The following IGSF8 variants were observed in gnomAD, a reference collection of about 807,000 sequenced individuals.
IGSF8 encodes the protein immunoglobulin superfamily member 8, also known as CD81 partner 3.
IGSF8 carries 46 observed loss-of-function variants against 55.5 expected under a neutral mutation model. That is an observed-to-expected ratio of 0.83 (90% CI 0.65 to 1.06). The LOEUF is 1.06. Among genes scored for constraint, IGSF8 ranks in the 50% least tolerant of loss-of-function variants. The pLI is 0.00. For missense variants in IGSF8, 731 were observed against 832.3 expected, an observed-to-expected ratio of 0.88 and a Z score of 1.50; for synonymous variants, 314 against 356.1, an observed-to-expected ratio of 0.88 and a Z score of 1.33.
Position 160,091,818 on chromosome 1 carries a change from A to G in IGSF8, c.*5T>C. 1 of 1,604,974 alleles carries G rather than the reference A, an allele frequency of 6.2e-7. No individual in the cohort carries two copies. On this transcript the variant is annotated 3_prime_UTR_variant, in exon 6 of 7. Transcript: ENST00000314485. ...GTTCTTTTCCCTCACCTGGGGAGTA[A>G]GGGATCACCGTTTTCGAAGCCTCTT...
In IGSF8 at chr1:160,093,866, T is replaced by A. The variant is rs758083772; in HGVS notation, c.748A>T (p.Thr250Ser). The A allele has an allele frequency of 3.1e-6, 5 of 1,614,140 alleles. No individual in the cohort carries two copies. In the Admixed American group the frequency reaches 8.3e-5, roughly 27 times the overall value. The change falls in exon 3 of 7, where the codon ACC becomes TCC. Residue 250 changes from threonine to serine, a missense_variant. Physicochemically the swap from Thr to Ser is moderately conservative, Grantham distance 58. Coordinates refer to ENST00000314485, the MANE Select transcript of IGSF8 (RefSeq NM_052868.6). ...CCTACTACCATGCGGTACCGATCGG[T>A]CCCTTCCTTGCCCAGACGAAGCTCC... The part of the protein sequence containing the change: ...AGELRLGKEG[T>S]DRYRMVVGGA...
Position 160,098,480 on chromosome 1 carries a change from G to T in IGSF8, c.-8C>A, listed in dbSNP as rs1232440010. 1 of 1,538,222 alleles carries T rather than the reference G, an allele frequency of 6.5e-7. No homozygotes were observed. The highest frequency in any genetic ancestry group is 1.2e-5 in the South Asian group (1 of 83,492). The stretch of plus-strand genomic sequence containing the variant: ...GGGCCTGAGGGCGCCCATCCTGCGC[G>T]GCCAGCTCTGGGGAGGCTCCGGGGG... On this transcript the variant is annotated 5_prime_UTR_variant, in exon 1 of 7. Coordinates refer to ENST00000314485, the MANE Select transcript of IGSF8 (RefSeq NM_052868.6).
At position 160,091,612 on chromosome 1, in the gene IGSF8, A is replaced by G; in HGVS notation, c.*16-4T>C. On this transcript the variant is annotated splice_region_variant and splice_polypyrimidine_tract_variant and intron_variant, in intron 6 of 6. Coordinates refer to ENST00000314485, the MANE Select transcript of IGSF8 (RefSeq NM_052868.6). ...AGACAGTCGACACCTGCAAGACCTG[A>G]AAAGGGTGCCCGGTGTGGGCTAAGG... is the stretch of plus-strand genomic sequence containing the variant. The G allele has an allele frequency of 3.5e-6, 2 of 567,442 alleles. No individual in the cohort carries two copies. The highest frequency in any genetic ancestry group is 3.1e-5 in the Admixed American group (1 of 32,188). 35.2% of individuals were successfully genotyped at this position (567,442 alleles called of 1,614,324 possible). A position where few individuals can be genotyped will look rare whatever the true frequency, so the allele number is the denominator to read the frequency against.
chr1:160,093,418 A>G, intron 3 of IGSF8, 87 bp from the exon 4 acceptor site: 1 of 1,334,330 alleles, frequency 7.5e-7, no homozygotes, highest in Non-Finnish European at 1.0e-6. Context: ...TTCCTACTTG[A>G]CAGCAGCAAC....
chr1:160,098,269 C>G, intron 1 of IGSF8, 140 bp downstream of exon 1: 2 of 1,261,028 alleles, frequency 1.6e-6, no homozygotes, highest in Admixed American at 2.8e-5. Context: ...AGCCACAAAG[C>G]GCAGCTGGAC....
chr1:160,095,331 G>T (rs1439024471), intron 1 of IGSF8, 85 bp from the exon 2 acceptor site: 6 of 1,353,286 alleles, frequency 4.4e-6, no homozygotes, highest in Non-Finnish European at 6.0e-6. Flanking sequence ...CTTGATCTCT[G>T]CCTACAAAAG....
rs746339396 is a variant in IGSF8 at position 160,093,768 on chromosome 1, G to A, written c.846C>T (p.Ser282=). 1 of 1,613,906 alleles carries A rather than the reference G, an allele frequency of 6.2e-7. No individual in the cohort carries two copies. Among genetic ancestry groups the A allele is most frequent in the Non-Finnish European group, 8.5e-7 (1 of 1,179,884 alleles). ...CCCTTTTCTCTGCAATCTGGGCCCA[G>A]CTGCCATCAGGATCCTGAATCCACT... is the stretch of plus-strand genomic sequence containing the variant. ...AAEWIQDPDG[S]WAQIAEKRAV... The change falls in exon 3 of 7, where the codon AGC becomes AGT. Residue 282 remains serine, a synonymous_variant. Coordinates refer to ENST00000314485, the MANE Select transcript of IGSF8 (RefSeq NM_052868.6).
At chr1:160,097,811 A>G in intron 1 of IGSF8, 12 of 985,472 alleles carry the variant, frequency 1.2e-5, no homozygotes, top group Non-Finnish European at 1.4e-5. Context: ...GTGAAAACTG[A>G]TGGGTGGCTG....
upstream of IGSF8, chr1:160,098,914 C>T: frequency 9.6e-6 from 1 of 104,420 alleles, no homozygotes; most frequent in Non-Finnish European, 1.9e-5. Flanking sequence ...GCCCTGGATC[C>T]GCCCCGGGCC....
At position 160,091,834 on chromosome 1, in the gene IGSF8, G is replaced by A. The variant is rs200253332; in HGVS notation, c.1831C>T (p.Arg611Ter). The A allele has an allele frequency of 3.9e-5, 63 of 1,612,954 alleles. No homozygotes were observed. The highest frequency in any genetic ancestry group is 1.6e-4 in the Middle Eastern group (1 of 6,080). The change falls in exon 6 of 7, where the codon CGA becomes TGA. Residue 611 changes from arginine to a stop codon, truncating the protein, a stop_gained. Coordinates refer to ENST00000314485, the MANE Select transcript of IGSF8 (RefSeq NM_052868.6). LOFTEE classifies it high-confidence loss of function. ...TGGGGAGTAAGGGATCACCGTTTTC[G>A]AAGCCTCTTCATGAAGCAGCAAGTG... ...TITCCFMKRL[R>*]KR
In IGSF8 at chr1:160,097,826, G is replaced by A. The variant is rs563741625; in HGVS notation, c.64+583C>T. The A allele has an allele frequency of 1.2e-5, 12 of 985,492 alleles. No homozygotes were observed. In the South Asian group the frequency reaches 5.2e-4, roughly 42 times the overall value. The allele number at this position is 985,492 out of a possible 1,614,324, so 61.0% of individuals were successfully genotyped here. On this transcript the variant is annotated intron_variant, in intron 1 of 6. Transcript: ENST00000314485. ...GTGAAAACTGATGGGTGGCTGCAGA[G>A]CCAAGTGCCATTTGGGAGACAGGAA... is the stretch of plus-strand genomic sequence containing the variant.
At position 160,093,867 on chromosome 1, in the gene IGSF8, C is replaced by T; in HGVS notation, c.747G>A (p.Gly249=). 1 of 1,614,204 alleles carries T rather than the reference C, an allele frequency of 6.2e-7. No homozygotes were observed. The highest frequency in any genetic ancestry group is 8.5e-7 in the Non-Finnish European group (1 of 1,180,018). Residue 249 remains glycine (G), a synonymous_variant, in exon 3 of 7, where the codon GGG becomes GGA. Coordinates refer to ENST00000314485, the MANE Select transcript of IGSF8 (RefSeq NM_052868.6). ...AAGELRLGKE[G]TDRYRMVVGG... Reference sequence around the variant, plus strand: ...CTACTACCATGCGGTACCGATCGGTCCCTTCCTTGCCCAGACGAAGCTCCC... The same window carrying T: ...CTACTACCATGCGGTACCGATCGGTTCCTTCCTTGCCCAGACGAAGCTCCC...
At chr1:160,091,973 C>T (rs1649987476) in intron 5 of IGSF8, 35 bp from the exon 6 acceptor site, 11 of 1,355,524 alleles carry the variant, frequency 8.1e-6, no homozygotes, top group Non-Finnish European at 1.2e-5. Context: ...AGAGAGGATG[C>T]CATCATCCTC....
At position 160,094,745 on chromosome 1, in the gene IGSF8, T is replaced by C; in HGVS notation, c.442+124A>G. On this transcript the variant is annotated intron_variant, in intron 2 of 6. Transcript: ENST00000314485. The surrounding 1 kb of genome is among the most constrained non-coding windows in gnomAD (Gnocchi z 4.0). ...ATTGGGTGACTTTGTGCAAATCACT[T>C]AACCTCTTTGGGCCTCAAGTTCCTT... The C allele has an allele frequency of 9.3e-7, 1 of 1,076,378 alleles. No individual in the cohort carries two copies. The highest frequency in any genetic ancestry group is 3.0e-4 in the Middle Eastern group (1 of 3,364). The allele number at this position is 1,076,378 out of a possible 1,614,324, so 66.7% of individuals were successfully genotyped here.
intron 1 of IGSF8, among the ~76,000 whole-genome samples, chr1:160,096,877 C>T (rs1318159088): frequency 1.3e-5 from 2 of 152,200 alleles, no homozygotes. Flanking sequence ...CAAGCTGACA[C>T]CTTCCCTGAC....
chr1:160,093,933 G>A lies in IGSF8; in HGVS notation c.681C>T (p.Ala227=), dbSNP rs761933043. 16 of 1,614,098 alleles carry A rather than the reference G, an allele frequency of 9.9e-6. No homozygotes were observed. The highest frequency in any genetic ancestry group is 1.6e-4 in the Middle Eastern group (1 of 6,084). The change falls in exon 3 of 7, where the codon GCC becomes GCT. Residue 227 remains alanine, a synonymous_variant. Transcript: ENST00000314485. Reference sequence around the variant, plus strand: ...CAGCATAGGGAGCTCCAGCCTCCACGGCCAAGTCTGACCGGATTCCCACCA... The same window carrying A: ...CAGCATAGGGAGCTCCAGCCTCCACAGCCAAGTCTGACCGGATTCCCACCA... ...QEVVGIRSDL[A]VEAGAPYAER...
rs139514193 is a variant in IGSF8 at position 160,093,763 on chromosome 1, G to C, written c.851C>G (p.Ala284Gly). 859 of 1,613,638 alleles carry C rather than the reference G, an allele frequency of 5.3e-4. No individual in the cohort carries two copies. The highest frequency in any genetic ancestry group is 7.2e-4 in the Non-Finnish European group (844 of 1,179,832). ...GACGGCCCTTTTCTCTGCAATCTGG[G>C]CCCAGCTGCCATCAGGATCCTGAAT... is the stretch of plus-strand genomic sequence containing the variant. ...EWIQDPDGSWAQIAEKRAVLA... is the reference protein window; with the variant it reads ...EWIQDPDGSWGQIAEKRAVLA... Residue 284 changes from alanine to glycine, a missense_variant, in exon 3 of 7, where the codon GCC becomes GGC. Physicochemically the swap from Ala to Gly is moderately conservative, Grantham distance 60 (BLOSUM62 0). Transcript: ENST00000314485.
In IGSF8 at chr1:160,092,103, C is replaced by CGTGGTT. The variant is rs1408098351; in HGVS notation, c.1727-166_1727-165insAACCAC. Reference sequence around the variant, plus strand: ...CCTCAGCATGCAAGTCAGCATCAACCACAGAGGACCCCGTGCAGGTGGGCA... The same window carrying CGTGGTT: ...CCTCAGCATGCAAGTCAGCATCAACCGTGGTTACAGAGGACCCCGTGCAGGTGGGCA... On this transcript the variant is annotated intron_variant, in intron 5 of 6. Transcript: ENST00000314485. Among the ~76,000 whole-genome samples, 19 of 152,338 alleles carry CGTGGTT rather than the reference C, an allele frequency of 1.2e-4. No homozygotes were observed. In the East Asian group the frequency reaches 2.1e-3, roughly 17 times the overall value.
upstream of IGSF8, chr1:160,098,655 GC>G (rs1650625082): frequency 3.6e-6 from 2 of 550,082 alleles, no homozygotes; most frequent in African/African-American, 4.1e-5. Context: ...TTTCCCTCCA[GC>G]CCTCGGCAGT....
Sources: allele counts gnomAD v4.1 joint callset (sites outside exome capture counted in the v4.1 genomes callset), GRCh38; gene constraint gnomAD v4.1.1; non-coding constraint Gnocchi (gnomAD v3.1); transcripts MANE v1.5; gene names NCBI Gene and HGNC (gene_info 2026-07-23, HGNC 2026-07-21).